The following TBC1D4 variants were observed in gnomAD, a reference collection of about 807,000 sequenced individuals.
TBC1D4 encodes the protein TBC1 domain family member 4.
A neutral mutation model predicts 142.5 loss-of-function variants in TBC1D4; 121 were observed. The observed-to-expected ratio is 0.85, with a 90% CI of 0.73 to 0.99. TBC1D4 has a LOEUF of 0.99. Ranked by LOEUF, TBC1D4 falls within the 50% of genes least tolerant of loss-of-function variation. The pLI is 0.00. For missense variants in TBC1D4, 1,475 were observed against 1,606.6 expected, an observed-to-expected ratio of 0.92 and a Z score of 1.40; for synonymous variants, 630 against 628.2, an observed-to-expected ratio of 1.00 and a Z score of -0.04.
At position 75,341,598 on chromosome 13, in the gene TBC1D4, T is replaced by C. The variant is rs1358714965; in HGVS notation, c.1409-11A>G. 3 of 1,605,756 alleles carry C rather than the reference T, an allele frequency of 1.9e-6. No homozygotes were observed. Among genetic ancestry groups the C allele is most frequent in the Non-Finnish European group, 2.6e-6 (3 of 1,172,744 alleles). ...TTGGTGGGTAGAGACCTAAGGAAAA[T>C]GATGAGGGAAGGTATTAAACAGAGT... On this transcript the variant is annotated splice_polypyrimidine_tract_variant and intron_variant, in intron 5 of 20. Coordinates refer to ENST00000377636, the MANE Select transcript of TBC1D4 (RefSeq NM_014832.5).
chr13:75,315,367 T>C (rs556305498), intron 12 of TBC1D4, among the ~76,000 whole-genome samples: 6,711 of 147,564 alleles, frequency 0.045, 366 homozygotes, highest in African/African-American at 0.13. Flanking sequence ...TATATATATA[T>C]ATACACACAC....
intron 1 of TBC1D4, among the ~76,000 whole-genome samples, chr13:75,412,581 AG>A (rs1285583617): frequency 1.3e-5 from 2 of 152,216 alleles, no homozygotes; most frequent in Non-Finnish European, 2.9e-5. Flanking sequence ...CTGGGATTAC[AG>A]GTGTGAGCCA....
Position 75,283,961 on chromosome 13 carries a change from G to A in TBC1D4, c.*2831C>T, listed in dbSNP as rs749483994. On this transcript the variant is annotated 3_prime_UTR_variant, in exon 21 of 21. Transcript: ENST00000377636. ...GGCCCAGGCTAGAGTGCAGTGGCAT[G>A]ATGGCTCACTGCAAGCTCACTGCAA... Among the ~76,000 whole-genome samples, 25 of 151,938 alleles carry A rather than the reference G, an allele frequency of 1.6e-4. No individual in the cohort carries two copies. Among genetic ancestry groups the A allele is most frequent in the Non-Finnish European group, 2.8e-4 (19 of 67,974 alleles).
Position 75,326,267 on chromosome 13 carries a change from T to C in TBC1D4, c.1963A>G (p.Asn655Asp). 6.2e-7 allele frequency: 1 copy of C among 1,614,078 alleles called. No individual in the cohort carries two copies. The highest frequency in any genetic ancestry group is 8.5e-7 in the Non-Finnish European group (1 of 1,180,004). ...HPPSSTKRKL[N>D]LQDGRAQGVR... Reference sequence around the variant, plus strand: ...CCCTGAGCCCTCCCATCCTGCAAATTCAGCTTTCTCTTTGTGCTTGAAGGT... The same window carrying C: ...CCCTGAGCCCTCCCATCCTGCAAATCCAGCTTTCTCTTTGTGCTTGAAGGT... The change falls in exon 10 of 21, where the codon AAT becomes GAT. Residue 655 changes from asparagine to aspartate, a missense_variant. Transcript: ENST00000377636.
intron 3 of TBC1D4, 88 bp from the exon 4 acceptor site, chr13:75,356,339 T>G: frequency 1.1e-6 from 1 of 948,332 alleles, no homozygotes; most frequent in Non-Finnish European, 1.7e-6. Flanking sequence ...AGTTCTTTGC[T>G]TTCACAGTTC....
In TBC1D4 at chr13:75,312,755, G is replaced by C. The variant is rs1385237086; in HGVS notation, c.2366C>G (p.Ser789Ter). Residue 789 changes from serine to a stop codon, truncating the protein, a stop_gained, in exon 13 of 21, where the codon TCA (serine) becomes TGA (stop). Coordinates refer to ENST00000377636, the MANE Select transcript of TBC1D4 (RefSeq NM_014832.5). LOFTEE classifies it high-confidence loss of function. ...RVASPMNKSP[S>*]AMQQQDGLDR... ...ACACAGACCTTGCTGTTGCATTGCT[G>C]AGGGAGATTTGTTCATGGGAGAAGC... 1 of 1,614,060 alleles carries C rather than the reference G, an allele frequency of 6.2e-7. No individual in the cohort carries two copies.
At chr13:75,409,855 G>A (rs1167683385) in intron 1 of TBC1D4, among the ~76,000 whole-genome samples, 1 of 152,206 alleles carries the variant, frequency 6.6e-6, no homozygotes, top group Non-Finnish European at 1.5e-5. Context: ...AGGATGTTAA[G>A]ATACTAGTGT....
chr13:75,412,230 C>G (rs1885704639), intron 1 of TBC1D4, among the ~76,000 whole-genome samples: 1 of 152,038 alleles, frequency 6.6e-6, no homozygotes, highest in Non-Finnish European at 1.5e-5. Context: ...GGTAAGTAAC[C>G]CCTTTATGGC....
rs1251698778 is a variant in TBC1D4, at chr13:75,482,019, TC to T, written c.-253del. The T allele has an allele frequency of 2.4e-6, 1 of 410,182 alleles. No homozygotes were observed. The highest frequency in any genetic ancestry group is 2.1e-5 in the African/African-American group (1 of 48,132). The allele number at this position is 410,182 out of a possible 1,614,324, so 25.4% of individuals were successfully genotyped here. On this transcript the variant is annotated 5_prime_UTR_variant, in exon 1 of 21. Coordinates refer to ENST00000377636, the MANE Select transcript of TBC1D4 (RefSeq NM_014832.5). ...CAGGCGAGGGCGGGTTAAATGGGCA[TC>T]CTCCTCCTTGGGCTGGCGCCTCGGG...
At chr13:75,427,128 T>A (rs548673584) in intron 1 of TBC1D4, among the ~76,000 whole-genome samples, 1 of 151,640 alleles carries the variant, frequency 6.6e-6, no homozygotes, top group South Asian at 2.1e-4. Flanking sequence ...TCACTCTGTC[T>A]CCCAGGCTGG....
rs35775136 is a variant in TBC1D4, at chr13:75,447,500, A to ATGTGTGTGTGTGTG, written c.498+33756_498+33769dup. On this transcript the variant is annotated intron_variant, in intron 1 of 20. Transcript: ENST00000377636. ...AAGCTGATGGGCATGCATAGTGTGA[A>ATGTGTGTGTGTGTG]TGTGTGTGTGTGTGTGTGTGTGTGT... Among the ~76,000 whole-genome samples, 431 of 145,330 alleles carry ATGTGTGTGTGTGTG rather than the reference A, an allele frequency of 3.0e-3. 5 individuals carry two copies. Among genetic ancestry groups the ATGTGTGTGTGTGTG allele is most frequent in the African/African-American group, 8.4e-3 (328 of 39,184 alleles).
At position 75,284,883 on chromosome 13, in the gene TBC1D4, G is replaced by A. The variant is rs1874532497; in HGVS notation, c.*1909C>T. 6.6e-6 allele frequency: 1 copy of A among 152,100 alleles called. No individual in the cohort carries two copies. The highest frequency in any genetic ancestry group is 1.5e-5 in the Non-Finnish European group (1 of 68,022). The allele number at this position is 152,100 out of a possible 1,614,324, so 9.4% of individuals were successfully genotyped here. The stretch of plus-strand genomic sequence containing the variant: ...CTTAATGTTGATTCTAAACATCCAG[G>A]ATAAAGTTTACTTTAAACTGAATAA... On this transcript the variant is annotated 3_prime_UTR_variant, in exon 21 of 21. Transcript: ENST00000377636.
rs756943199 is a variant in TBC1D4, at chr13:75,356,281, A to G, written c.1171-30T>C. On this transcript the variant is annotated intron_variant, in intron 3 of 20. Transcript: ENST00000377636. ...ATGGAGGGGAAGAAGTGCAATAAAA[A>G]TGTATGGGAATATATATTTTTTACT... is the stretch of plus-strand genomic sequence containing the variant. The G allele has an allele frequency of 3.1e-5, 44 of 1,420,382 alleles. No homozygotes were observed. In the Middle Eastern group the frequency reaches 7.3e-4, roughly 24 times the overall value. 88.0% of individuals were successfully genotyped at this position (1,420,382 alleles called of 1,614,324 possible). A position where few individuals can be genotyped will look rare whatever the true frequency, so the allele number is the denominator to read the frequency against.
chr13:75,391,225 C>CAT (rs59448353), intron 1 of TBC1D4, among the ~76,000 whole-genome samples: 1 of 150,404 alleles, frequency 6.6e-6, no homozygotes, highest in Non-Finnish European at 1.5e-5. Flanking sequence ...CACACACACA[C>CAT]TATTTTTATC....
chr13:75,305,479 A>T (rs1173313578), intron 15 of TBC1D4, among the ~76,000 whole-genome samples: 1 of 152,220 alleles, frequency 6.6e-6, no homozygotes, highest in African/African-American at 2.4e-5. Context: ...ATTCAGTAAA[A>T]ATCTTTAGGA....
chr13:75,375,146 A>G (rs1181278123), intron 1 of TBC1D4, among the ~76,000 whole-genome samples: 1 of 152,264 alleles, frequency 6.6e-6, no homozygotes. Context: ...TTAGTCTGGT[A>G]CCATACTCCT....
At chr13:75,341,052 G>A in intron 7 of TBC1D4, 73 bp downstream of exon 7, 2 of 1,337,624 alleles carry the variant, frequency 1.5e-6, no homozygotes, top group Non-Finnish European at 2.2e-6. Context: ...AAGAACCTGA[G>A]AGTACAAAGG....
chr13:75,417,393 T>C (rs1341965309), intron 1 of TBC1D4, among the ~76,000 whole-genome samples: 1 of 152,158 alleles, frequency 6.6e-6, no homozygotes, highest in Admixed American at 6.5e-5. Flanking sequence ...CACTGCCCTT[T>C]GGAGTCTGAG....
chr13:75,286,902 C>A lies in TBC1D4; in HGVS notation c.3787G>T (p.Glu1263Ter). ...QEKMAYQKTV[E>*]QLRKLLPADA... ...GCGGGCAGCAGCTTCCGGAGTTGCT[C>A]CACTGTCTTTTGATAAGCCATTTTT... is the stretch of plus-strand genomic sequence containing the variant. Residue 1263 changes from glutamate to a stop codon, truncating the protein, a stop_gained, in exon 21 of 21, where the codon GAG becomes TAG. Transcript: ENST00000377636. LOFTEE classifies it high-confidence loss of function. The A allele has an allele frequency of 6.2e-7, 1 of 1,613,930 alleles. No individual in the cohort carries two copies. The highest frequency in any genetic ancestry group is 8.5e-7 in the Non-Finnish European group (1 of 1,179,976).
Sources: gnomAD v4.1 joint callset for allele counts (sites outside exome capture counted in the v4.1 genomes callset) on GRCh38, gnomAD v4.1.1 for gene constraint, MANE v1.5 for transcripts, NCBI Gene and HGNC (gene_info 2026-07-23, HGNC 2026-07-21) for gene names.